Variants in GLI3 observed in about 807,000 individuals in gnomAD.
GLI3 encodes transcription activator GLI3.
Under a neutral mutation model 100.8 loss-of-function variants are expected in GLI3, and 20 were observed. The ratio of observed to expected loss-of-function variants is 0.20; its 90% CI spans 0.14 to 0.29. GLI3 has a LOEUF of 0.29. Among genes scored for constraint, GLI3 ranks in the 10% least tolerant of loss-of-function variants. GLI3 has a pLI of 1.00. For synonymous variants in GLI3, 938 were observed against 860.5 expected (o/e 1.09, Z -1.58); for missense variants, 2,040 against 2,128.5 (o/e 0.96, Z 0.82).
chr7:42,002,705 G>C (rs1788339538), intron 10 of GLI3, among the ~76,000 whole-genome samples: 1 of 152,132 alleles, frequency 6.6e-6, no homozygotes, highest in African/African-American at 2.4e-5. Context: ...ACCACAAGCT[G>C]AAACACTAAT....
chr7:42,159,807 C>T (rs575757975), intron 2 of GLI3, among the ~76,000 whole-genome samples: 73 of 152,340 alleles, frequency 4.8e-4, no homozygotes, highest in Non-Finnish European at 9.3e-4. Context: ...ACAGGAGGTG[C>T]ATGCAGTATT....
At chr7:42,106,096 G>C (rs553095013) in intron 3 of GLI3, among the ~76,000 whole-genome samples, 1 of 152,208 alleles carries the variant, frequency 6.6e-6, no homozygotes, top group Non-Finnish European at 1.5e-5. Flanking sequence ...GGGCAAGCAG[G>C]AAGAAGCATG....
intron 3 of GLI3, among the ~76,000 whole-genome samples, chr7:42,089,853 A>T (rs1297280620): frequency 2.6e-5 from 4 of 152,358 alleles, no homozygotes; most frequent in Admixed American, 2.0e-4. Context: ...AATTCTGAAT[A>T]ACAGTCATGC....
At chr7:42,070,027 T>C (rs571899686) in intron 4 of GLI3, among the ~76,000 whole-genome samples, 4 of 152,346 alleles carry the variant, frequency 2.6e-5, no homozygotes, top group African/African-American at 9.6e-5. Context: ...TGTTCTAACA[T>C]GGCTTCCCTT....
intron 1 of GLI3, among the ~76,000 whole-genome samples, chr7:42,251,388 C>A (rs1789030187): frequency 6.6e-6 from 1 of 152,226 alleles, no homozygotes; most frequent in Non-Finnish European, 1.5e-5. Flanking sequence ...AATGCTGCTG[C>A]TGATCTGACA....
chr7:42,147,349 A>G (rs978078276), intron 3 of GLI3, among the ~76,000 whole-genome samples: 1 of 152,208 alleles, frequency 6.6e-6, no homozygotes, highest in Non-Finnish European at 1.5e-5. Context: ...GATGTGGAAA[A>G]GGGGAAACAC....
chr7:42,220,262 T>C (rs910656167), intron 2 of GLI3, among the ~76,000 whole-genome samples: 5 of 152,234 alleles, frequency 3.3e-5, no homozygotes, highest in Non-Finnish European at 7.3e-5. Context: ...CTACCTGTTA[T>C]AGCATCCATA....
In GLI3 at chr7:42,164,836, A is replaced by G. The variant is rs2128672969; in HGVS notation, c.125-16368T>C. ...CAGAGCGAGACTATGTGTCAAATAAATAAATAAATAAATAAAAATTAAAAA... is the reference window on the plus strand; with the variant it reads ...CAGAGCGAGACTATGTGTCAAATAAGTAAATAAATAAATAAAAATTAAAAA... On this transcript the variant is annotated intron_variant, in intron 2 of 14. Transcript: ENST00000395925. 2.0e-5 allele frequency among the ~76,000 whole-genome samples: 3 copies of G among 151,794 alleles called. No homozygotes were observed. In the South Asian group the frequency reaches 6.2e-4, roughly 32 times the overall value.
At chr7:42,135,321 A>G (rs1460156430) in intron 3 of GLI3, among the ~76,000 whole-genome samples, 1 of 152,194 alleles carries the variant, frequency 6.6e-6, no homozygotes, top group Non-Finnish European at 1.5e-5. Flanking sequence ...AGCTAGCTAT[A>G]TCTCAGAGTA....
chr7:42,251,723 A>G (rs1789034240), intron 1 of GLI3, among the ~76,000 whole-genome samples: 2 of 152,152 alleles, frequency 1.3e-5, no homozygotes, highest in Admixed American at 6.5e-5. Flanking sequence ...CCCCTTTTAC[A>G]TGATGGAACA....
At chr7:42,192,950 C>A (rs1392600532) in intron 2 of GLI3, among the ~76,000 whole-genome samples, 1 of 152,148 alleles carries the variant, frequency 6.6e-6, no homozygotes, top group Non-Finnish European at 1.5e-5. Flanking sequence ...CTTGCACAGA[C>A]CACAGGCCCC....
intron 2 of GLI3, among the ~76,000 whole-genome samples, chr7:42,210,338 G>GGCC (rs1491282197): frequency 9.9e-6 from 1 of 100,924 alleles, no homozygotes; most frequent in Admixed American, 1.1e-4. Context: ...AAAAATGAAA[G>GGCC]CCCCCCCCCC....
At chr7:42,154,278 T>C (rs1336789517) in intron 2 of GLI3, among the ~76,000 whole-genome samples, 2 of 152,042 alleles carry the variant, frequency 1.3e-5, no homozygotes, top group Non-Finnish European at 2.9e-5. Flanking sequence ...ATCCTCCCCC[T>C]ACCACGCGCA....
At chr7:42,157,908 C>G (rs1185515311) in intron 2 of GLI3, among the ~76,000 whole-genome samples, 3 of 152,084 alleles carry the variant, frequency 2.0e-5, no homozygotes, top group Non-Finnish European at 4.4e-5. Context: ...TAACACCCCC[C>G]GCTGGTATAG....
intron 2 of GLI3, among the ~76,000 whole-genome samples, chr7:42,202,319 G>GTCTCTCTCTC (rs35402770): frequency 8.0e-6 from 1 of 124,738 alleles, no homozygotes; most frequent in African/African-American, 3.1e-5. Flanking sequence ...CATAGAATCT[G>GTCTCTCTCTC]TCTCTCTCTC....
At chr7:42,170,259 A>C (rs984196484) in intron 2 of GLI3, among the ~76,000 whole-genome samples, 1 of 100,370 alleles carries the variant, frequency 1.0e-5, no homozygotes. Flanking sequence ...TTCAAAAAAA[A>C]AAAAAATTAT....
rs13233156 is a variant in GLI3, at chr7:42,066,183, T to C, written c.473+10569A>G. Among the ~76,000 whole-genome samples the C allele has an allele frequency of 4.1e-3, 629 of 152,184 alleles. 3 individuals are homozygous for C. Among genetic ancestry groups the C allele is most frequent in the Non-Finnish European group, 7.1e-3 (481 of 67,986 alleles). On this transcript the variant is annotated intron_variant, in intron 4 of 14. Transcript: ENST00000395925. Reference sequence around the variant, plus strand: ...AACAAAGAAAACAAAGAAGGGCCAATAGGCTTTTCTAAAGCTTGAGTACAC... The same window carrying C: ...AACAAAGAAAACAAAGAAGGGCCAACAGGCTTTTCTAAAGCTTGAGTACAC...
At chr7:42,222,614 T>C (rs1257316470) in intron 2 of GLI3, among the ~76,000 whole-genome samples, 1 of 152,224 alleles carries the variant, frequency 6.6e-6, no homozygotes, top group African/African-American at 2.4e-5. Context: ...TAAATTTTTA[T>C]AAGCTAACAA....
At chr7:42,071,343 C>T (rs1452931237) in intron 4 of GLI3, among the ~76,000 whole-genome samples, 4 of 151,910 alleles carry the variant, frequency 2.6e-5, no homozygotes, top group African/African-American at 2.4e-5. Flanking sequence ...GTGGAGGAGG[C>T]GGGGGGAAAC....
Sources: allele counts gnomAD v4.1 joint callset (sites outside exome capture counted in the v4.1 genomes callset), GRCh38; gene constraint gnomAD v4.1.1; transcripts MANE v1.5; gene names NCBI Gene and HGNC (gene_info 2026-07-23, HGNC 2026-07-21).